ETV6: variants seen among roughly 807,000 people sequenced by gnomAD.
The protein encoded by ETV6 is transcription factor ETV6.
ETV6 carries 16 observed loss-of-function variants against 51.1 expected under a neutral mutation model. The observed-to-expected ratio is 0.31, with a 90% confidence interval of 0.21 to 0.48. The LOEUF (loss-of-function observed/expected upper bound fraction) is 0.48, where lower values mean the gene tolerates loss of function less well. Among genes scored for constraint, ETV6 ranks in the 20% least tolerant of loss-of-function variants. ETV6 has a pLI of 0.99. For missense variants in ETV6, 458 were observed against 594.8 expected (o/e 0.77, Z 2.39); for synonymous variants, 240 against 224.1 (o/e 1.07, Z -0.64).
intron 2 of ETV6, among the ~76,000 whole-genome samples, chr12:11,769,411 C>T (rs1247322332): frequency 6.6e-6 from 1 of 151,412 alleles, no homozygotes; most frequent in East Asian, 1.9e-4. Flanking sequence ...CTATTTAAAA[C>T]ACAGATAACA....
chr12:11,885,617 G>C (rs1157970300), intron 6 of ETV6, among the ~76,000 whole-genome samples: 2 of 152,254 alleles, frequency 1.3e-5, no homozygotes, highest in Non-Finnish European at 2.9e-5. Flanking sequence ...GCGGAGCAGA[G>C]AGCGGTCTTG....
chr12:11,688,106 TAG>T (rs35722301), intron 1 of ETV6, among the ~76,000 whole-genome samples: 49,345 of 151,942 alleles, frequency 0.32, 8,554 homozygotes, highest in East Asian at 0.52. Flanking sequence ...GGCTGCCTGT[TAG>T]AGTCTTGGCT....
Position 11,869,297 on chromosome 12 carries a change from A to G in ETV6, c.464-127A>G. 1 of 802,096 alleles carries G rather than the reference A, an allele frequency of 1.2e-6. No homozygotes were observed. The highest frequency in any genetic ancestry group is 2.0e-6 in the Non-Finnish European group (1 of 503,074). 49.7% of individuals were successfully genotyped at this position (802,096 alleles called of 1,614,324 possible). ...TGTTAAGCAGTGAAAAAGACACTGCATTCTGGGGAGAAAGGTCCTTTACAC... is the reference window on the plus strand; with the variant it reads ...TGTTAAGCAGTGAAAAAGACACTGCGTTCTGGGGAGAAAGGTCCTTTACAC... On this transcript the variant is annotated intron_variant, in intron 4 of 7. Coordinates refer to ENST00000396373, the MANE Select transcript of ETV6 (RefSeq NM_001987.5). This position sits in a 1 kb window ranked among gnomAD's most constrained non-coding sequence, Gnocchi z 5.0.
At chr12:11,707,369 C>T (rs1865091513) in intron 1 of ETV6, among the ~76,000 whole-genome samples, 1 of 152,222 alleles carries the variant, frequency 6.6e-6, no homozygotes, top group Non-Finnish European at 1.5e-5. Context: ...GGGAGCACAC[C>T]TGTGGGAATC....
intron 1 of ETV6, among the ~76,000 whole-genome samples, chr12:11,728,034 G>T (rs988825877): frequency 6.6e-6 from 1 of 152,066 alleles, no homozygotes; most frequent in African/African-American, 2.4e-5. Context: ...TGGCCAGGCG[G>T]TTCTCGAACT....
At chr12:11,695,352 G>A (rs1340426991) in intron 1 of ETV6, among the ~76,000 whole-genome samples, 1 of 152,212 alleles carries the variant, frequency 6.6e-6, no homozygotes, top group Admixed American at 6.5e-5. Flanking sequence ...CAGCAGCAAG[G>A]ACCATTGCTG....
chr12:11,673,333 G>C (rs968206294), intron 1 of ETV6, among the ~76,000 whole-genome samples: 1 of 152,178 alleles, frequency 6.6e-6, no homozygotes, highest in African/African-American at 2.4e-5. Flanking sequence ...AAATCTGGAT[G>C]ACTATTGAGG....
At chr12:11,698,616 G>C (rs921415821) in intron 1 of ETV6, among the ~76,000 whole-genome samples, 1 of 152,016 alleles carries the variant, frequency 6.6e-6, no homozygotes, top group African/African-American at 2.4e-5. Flanking sequence ...ACTAGCAAGG[G>C]AGTTTAATGT....
chr12:11,836,975 G>A (rs368829361), intron 2 of ETV6, among the ~76,000 whole-genome samples: 1 of 152,290 alleles, frequency 6.6e-6, no homozygotes, highest in Non-Finnish European at 1.5e-5. Flanking sequence ...ATAACAAATC[G>A]CAGCGCCATT....
chr12:11,801,960 T>C (rs1481376224), intron 2 of ETV6, among the ~76,000 whole-genome samples: 2 of 152,190 alleles, frequency 1.3e-5, no homozygotes, highest in African/African-American at 4.8e-5. Context: ...CTGTTGATAC[T>C]CACGCCCTCC....
chr12:11,767,216 C>T (rs1945174456), intron 2 of ETV6, among the ~76,000 whole-genome samples: 1 of 152,204 alleles, frequency 6.6e-6, no homozygotes, highest in Admixed American at 6.5e-5. Flanking sequence ...CACTGAACCT[C>T]CCAGCCTCAG....
At chr12:11,772,110 T>G (rs1281984676) in intron 2 of ETV6, among the ~76,000 whole-genome samples, 1 of 152,188 alleles carries the variant, frequency 6.6e-6, no homozygotes, top group Non-Finnish European at 1.5e-5. Context: ...ATCATGTGTA[T>G]AAAAACTTTC....
chr12:11,744,041 A>G (rs1219774134), intron 1 of ETV6, among the ~76,000 whole-genome samples: 1 of 152,200 alleles, frequency 6.6e-6, no homozygotes, highest in African/African-American at 2.4e-5. Flanking sequence ...CCTTCTGCCC[A>G]GGTTTTAAGT....
At chr12:11,868,960 G>T (rs899908590) in intron 4 of ETV6, among the ~76,000 whole-genome samples, 1 of 152,172 alleles carries the variant, frequency 6.6e-6, no homozygotes, top group Non-Finnish European at 1.5e-5. Flanking sequence ...CTTAAGGCCA[G>T]GCGCGGTGGC....
At chr12:11,751,340 T>A (rs1157608990) in intron 1 of ETV6, 11 of 518,784 alleles carry the variant, frequency 2.1e-5, no homozygotes, top group Non-Finnish European at 2.3e-5. Context: ...CTTTTGCTCT[T>A]GAGTTTTATT....
intron 2 of ETV6, among the ~76,000 whole-genome samples, chr12:11,819,591 G>A (rs971379564): frequency 6.6e-5 from 10 of 152,192 alleles, no homozygotes; most frequent in South Asian, 2.1e-4. Flanking sequence ...TATATCCCCC[G>A]CCAATCCATC....
chr12:11,752,253 T>C (rs74408439), intron 1 of ETV6, among the ~76,000 whole-genome samples, 197 bp from the exon 2 acceptor site: 3,050 of 152,294 alleles, frequency 0.02, 62 homozygotes, highest in East Asian at 0.083. Flanking sequence ...TTTTGTTATA[T>C]AGCCCCAAGG....
chr12:11,879,977 T>C (rs1172161940), intron 5 of ETV6, among the ~76,000 whole-genome samples: 1 of 151,028 alleles, frequency 6.6e-6, no homozygotes, highest in Non-Finnish European at 1.5e-5. Flanking sequence ...CTGCCTTTTA[T>C]TTAATAGAAA....
chr12:11,770,153 A>G (rs1287838547), intron 2 of ETV6, among the ~76,000 whole-genome samples: 1 of 152,126 alleles, frequency 6.6e-6, no homozygotes. Context: ...TAATCAGGAA[A>G]ATGCAAGGAA....
Sources: gnomAD v4.1 joint callset for allele counts (sites outside exome capture counted in the v4.1 genomes callset) on GRCh38, gnomAD v4.1.1 for gene constraint, Gnocchi (gnomAD v3.1) non-coding constraint, MANE v1.5 for transcripts, NCBI Gene and HGNC (gene_info 2026-07-23, HGNC 2026-07-21) for gene names.